Variants in CENPP observed in about 807,000 individuals in gnomAD.
CENPP encodes the protein centromere protein P.
Under a neutral mutation model 35.6 loss-of-function variants are expected in CENPP, and 24 were observed. The ratio of observed to expected loss-of-function variants is 0.67; its 90% CI spans 0.49 to 0.95. CENPP has a LOEUF of 0.95. Among genes scored for constraint, CENPP ranks in the 40% least tolerant of loss-of-function variants. The probability of loss-of-function intolerance (pLI) is 0.00; values close to 1 mark genes in which losing one functional copy is unlikely to be tolerated. For synonymous variants in CENPP, 120 were observed against 125.5 expected (o/e 0.96, Z 0.29); for missense variants, 332 against 345.3 (o/e 0.96, Z 0.31).
intron 5 of CENPP, chr9:92,403,197 T>C: frequency 7.1e-7 from 1 of 1,401,012 alleles, no homozygotes; most frequent in Non-Finnish European, 9.8e-7. Flanking sequence ...AAATGGGCAG[T>C]ATTTTAGAAG....
chr9:92,391,166 G>A (rs888463222), intron 5 of CENPP, among the ~76,000 whole-genome samples: 2 of 151,946 alleles, frequency 1.3e-5, no homozygotes, highest in Non-Finnish European at 2.9e-5. Flanking sequence ...GGAGGCCAAG[G>A]TGGGCGGATC....
At chr9:92,460,369 C>G (rs1845060762) in intron 5 of CENPP, 2 of 686,154 alleles carry the variant, frequency 2.9e-6, no homozygotes. Flanking sequence ...TTCACACTCT[C>G]CAGTTCCAAC....
At chr9:92,600,667 C>T (rs942263822) in intron 5 of CENPP, among the ~76,000 whole-genome samples, 10 of 152,360 alleles carry the variant, frequency 6.6e-5, no homozygotes, top group Non-Finnish European at 1.5e-4. Flanking sequence ...TGTGTTTTTG[C>T]TCCTGTGGCA....
intron 5 of CENPP, among the ~76,000 whole-genome samples, chr9:92,606,841 T>C (rs547603501): frequency 6.6e-6 from 1 of 152,248 alleles, no homozygotes; most frequent in South Asian, 2.1e-4. Context: ...GAGGTGCCTA[T>C]AGTCCCAGCT....
At chr9:92,547,776 A>T (rs557313421) in intron 5 of CENPP, among the ~76,000 whole-genome samples, 9 of 152,230 alleles carry the variant, frequency 5.9e-5, no homozygotes, top group African/African-American at 2.2e-4. Context: ...ATGGAATTGT[A>T]TATTTTAAAG....
At chr9:92,591,237 G>A (rs1049110870) in intron 5 of CENPP, among the ~76,000 whole-genome samples, 4 of 151,866 alleles carry the variant, frequency 2.6e-5, no homozygotes, top group Admixed American at 2.0e-4. Context: ...GGCTAAAACG[G>A]TGAAACCCCG....
chr9:92,429,869 G>A (rs997304665), intron 5 of CENPP, among the ~76,000 whole-genome samples: 1 of 152,074 alleles, frequency 6.6e-6, no homozygotes, highest in Non-Finnish European at 1.5e-5. Flanking sequence ...TGTACATATA[G>A]AAGCAAATAC....
intron 5 of CENPP, among the ~76,000 whole-genome samples, chr9:92,569,250 T>C (rs1483347273): frequency 1.3e-5 from 2 of 152,354 alleles, no homozygotes; most frequent in East Asian, 3.9e-4. Context: ...CTTGAATTAA[T>C]TTTTGTATAA....
intron 5 of CENPP, chr9:92,600,616 C>T (rs982342288): frequency 1.8e-5 from 28 of 1,557,284 alleles, no homozygotes; most frequent in Non-Finnish European, 1.7e-5. Context: ...AGAAAGACAG[C>T]GCAAGTCATG....
At chr9:92,520,273 AC>A (rs1335798229) in intron 5 of CENPP, among the ~76,000 whole-genome samples, 1 of 151,632 alleles carries the variant, frequency 6.6e-6, no homozygotes, top group African/African-American at 2.4e-5. Flanking sequence ...GCAGAGCAAG[AC>A]CCCATCTCTT....
intron 4 of CENPP, among the ~76,000 whole-genome samples, chr9:92,359,448 C>A (rs1182166023): frequency 6.6e-6 from 1 of 151,728 alleles, no homozygotes; most frequent in Non-Finnish European, 1.5e-5. Flanking sequence ...AGGGATTAAC[C>A]TGAGGTATAA....
intron 4 of CENPP, among the ~76,000 whole-genome samples, chr9:92,350,427 G>T (rs926433327): frequency 6.6e-6 from 1 of 152,202 alleles, no homozygotes; most frequent in Non-Finnish European, 1.5e-5. Context: ...TTATGAAGAT[G>T]CAAATGGAAG....
chr9:92,446,962 A>G (rs867066865), intron 5 of CENPP, among the ~76,000 whole-genome samples: 3 of 151,596 alleles, frequency 2.0e-5, no homozygotes, highest in Admixed American at 1.3e-4. Context: ...GTAAATCAGC[A>G]CTTTAGGTAA....
intron 5 of CENPP, among the ~76,000 whole-genome samples, chr9:92,579,288 T>C (rs1432836544): frequency 6.7e-6 from 1 of 150,330 alleles, no homozygotes; most frequent in Non-Finnish European, 1.5e-5. Context: ...ATGAGGGCTC[T>C]TTTTTGGTTC....
chr9:92,416,153 G>T (rs1193437498), intron 5 of CENPP, among the ~76,000 whole-genome samples: 5 of 147,066 alleles, frequency 3.4e-5, no homozygotes, highest in African/African-American at 1.3e-4. Flanking sequence ...AGGCCAGAAA[G>T]CAGTGGCATG....
At chr9:92,602,665 T>A (rs1470816815) in intron 5 of CENPP, among the ~76,000 whole-genome samples, 1 of 152,040 alleles carries the variant, frequency 6.6e-6, no homozygotes, top group East Asian at 1.9e-4. Context: ...TTTGGTCACA[T>A]AGGAGATCTG....
intron 5 of CENPP, among the ~76,000 whole-genome samples, chr9:92,608,546 A>G (rs185254011): frequency 6.6e-6 from 1 of 152,220 alleles, no homozygotes. Flanking sequence ...CTTGAGTTGT[A>G]TTGTATATAA....
At chr9:92,363,102 CAG>C (rs1315905163) in intron 4 of CENPP, among the ~76,000 whole-genome samples, 1 of 150,992 alleles carries the variant, frequency 6.6e-6, no homozygotes, top group Non-Finnish European at 1.5e-5. Flanking sequence ...TCTGAGGAAC[CAG>C]AGTTTCTTTT....
chr9:92,533,328 A>AAAAAAAAAAAATATATATAT (rs1554683138), intron 5 of CENPP, among the ~76,000 whole-genome samples: 2 of 38,336 alleles, frequency 5.2e-5, no homozygotes, highest in Non-Finnish European at 8.5e-5. Context: ...AAAAAAAAAA[A>AAAAAAAAAAAATATATATAT]ATATATATAT....
Sources: gnomAD v4.1 joint callset for allele counts (sites outside exome capture counted in the v4.1 genomes callset) on GRCh38, gnomAD v4.1.1 for gene constraint, MANE v1.5 for transcripts, NCBI Gene and HGNC (gene_info 2026-07-23, HGNC 2026-07-21) for gene names.